The following WDSUB1 variants were observed in gnomAD, a reference collection of about 807,000 sequenced individuals.
WDSUB1 encodes WD repeat, sterile alpha motif and U-box domain containing 1, also known as WD repeat, SAM and U-box domain-containing protein 1.
WDSUB1 carries 49 observed loss-of-function variants against 53.9 expected under a neutral mutation model. The ratio of observed to expected loss-of-function variants is 0.91; its 90% CI spans 0.72 to 1.15. The LOEUF (loss-of-function observed/expected upper bound fraction) is 1.15, where lower values mean the gene tolerates loss of function less well. Ranked by LOEUF, WDSUB1 falls within the 50% of genes most tolerant of loss-of-function variation. The probability of loss-of-function intolerance (pLI) is 0.00; values close to 1 mark genes in which losing one functional copy is unlikely to be tolerated. For missense variants in WDSUB1, 514 were observed against 562.0 expected (o/e 0.91, Z 0.86); for synonymous variants, 194 against 200.6 (o/e 0.97, Z 0.28).
chr2:159,245,726 A>G (rs2060779688), intron 10 of WDSUB1, among the ~76,000 whole-genome samples: 1 of 152,202 alleles, frequency 6.6e-6, no homozygotes, highest in Non-Finnish European at 1.5e-5. Context: ...CATTTAGGAA[A>G]GCCATAAACA....
intron 9 of WDSUB1, among the ~76,000 whole-genome samples, chr2:159,254,127 A>C (rs950338510): frequency 6.6e-6 from 1 of 152,232 alleles, no homozygotes; most frequent in Non-Finnish European, 1.5e-5. Context: ...ACTGTATTTC[A>C]ATTTTGGCTT....
rs3213715 is a variant in WDSUB1 at position 159,257,926 on chromosome 2, G to A, written c.845+19C>T. 827,960 of 1,610,126 alleles carry A rather than the reference G, an allele frequency of 0.51. 219,824 individuals are homozygous for A. The highest frequency in any genetic ancestry group is 0.56 in the Non-Finnish European group (653,284 of 1,176,986). Reference sequence around the variant, plus strand: ...TAATTTTTAAATTATATTAATACAAGGTGAGGTTAAGTTCAGACCTGGTGT... The same window carrying A: ...TAATTTTTAAATTATATTAATACAAAGTGAGGTTAAGTTCAGACCTGGTGT... On this transcript the variant is annotated intron_variant, in intron 7 of 10. Coordinates refer to ENST00000359774, the MANE Select transcript of WDSUB1 (RefSeq NM_001128212.3).
chr2:159,286,455 T>A (rs901542733), intron 1 of WDSUB1, 128 bp downstream of exon 1: 3 of 152,394 alleles, frequency 2.0e-5, no homozygotes, highest in Admixed American at 6.5e-5. Context: ...AAGGTCCCGG[T>A]TGGGCCCTGC....
chr2:159,262,129 T>C (rs1312753348), intron 5 of WDSUB1, among the ~76,000 whole-genome samples: 2 of 151,378 alleles, frequency 1.3e-5, no homozygotes, highest in Non-Finnish European at 2.9e-5. Flanking sequence ...AAAATCCTCA[T>C]TGGTACCACA....
At chr2:159,284,149 G>A (rs190176885) in intron 1 of WDSUB1, among the ~76,000 whole-genome samples, 28 of 152,094 alleles carry the variant, frequency 1.8e-4, no homozygotes, top group African/African-American at 6.0e-4. Context: ...TGTTACCTGG[G>A]ATAAGAACAA....
chr2:159,259,344 C>T (rs530863966), intron 6 of WDSUB1, among the ~76,000 whole-genome samples: 31 of 152,188 alleles, frequency 2.0e-4, no homozygotes, highest in African/African-American at 6.5e-4. Flanking sequence ...TCTTTACCCA[C>T]ACATGGATCA....
At chr2:159,247,888 T>TATATATATATATATATAA (rs1559531646) in intron 10 of WDSUB1, among the ~76,000 whole-genome samples, 19 of 39,028 alleles carry the variant, frequency 4.9e-4, no homozygotes, top group Admixed American at 1.5e-3. Flanking sequence ...ATTAAATAAA[T>TATATATATATATATATAA]ATATATATAT....
chr2:159,253,892 T>C (rs905925456), intron 9 of WDSUB1, among the ~76,000 whole-genome samples: 3 of 152,214 alleles, frequency 2.0e-5, no homozygotes, highest in Non-Finnish European at 2.9e-5. Context: ...ACTTGATCCT[T>C]TATAATGAAG....
rs369516673 is a variant in WDSUB1, at chr2:159,254,607, T to G, written c.1132+1589A>C. 5.2e-4 allele frequency among the ~76,000 whole-genome samples: 79 copies of G among 152,108 alleles called. 1 individual carries two copies. The highest frequency in any genetic ancestry group is 1.7e-3 in the African/African-American group (71 of 41,484). Reference sequence around the variant, plus strand: ...TATTTACCTAGTTATAAAAATAGAATTGTATTTCTATTGTTTCTATATGCT... The same window carrying G: ...TATTTACCTAGTTATAAAAATAGAAGTGTATTTCTATTGTTTCTATATGCT... On this transcript the variant is annotated intron_variant, in intron 9 of 10. Transcript: ENST00000359774.
intron 5 of WDSUB1, among the ~76,000 whole-genome samples, chr2:159,269,901 A>T (rs2061415395): frequency 6.6e-6 from 1 of 152,220 alleles, no homozygotes; most frequent in Non-Finnish European, 1.5e-5. Flanking sequence ...ACCTACAATG[A>T]TCATATTGAA....
intron 1 of WDSUB1, among the ~76,000 whole-genome samples, chr2:159,285,725 G>A (rs946584948): frequency 6.6e-6 from 1 of 152,056 alleles, no homozygotes; most frequent in African/African-American, 2.4e-5. Flanking sequence ...CAAATATTAA[G>A]GCATAAGGAG....
At chr2:159,276,120 G>A (rs1056031649) in intron 3 of WDSUB1, among the ~76,000 whole-genome samples, 3 of 150,852 alleles carry the variant, frequency 2.0e-5, no homozygotes, top group African/African-American at 2.5e-5. Context: ...GTGCAGTGGT[G>A]CGATCTTGGC....
intron 3 of WDSUB1, among the ~76,000 whole-genome samples, chr2:159,276,415 G>C (rs1432048736): frequency 7.9e-5 from 12 of 152,018 alleles, no homozygotes. Flanking sequence ...AATAATAATG[G>C]GAATTTTTTT....
chr2:159,257,849 A>G lies in WDSUB1; in HGVS notation c.861T>C (p.Cys287=). 1 of 1,614,140 alleles carries G rather than the reference A, an allele frequency of 6.2e-7. No homozygotes were observed. Among genetic ancestry groups the G allele is most frequent in the Non-Finnish European group, 8.5e-7 (1 of 1,179,942 alleles). ...LTQHTRYVTT[C]AFAPNTLLLA... ...GTAAAAGGGTATTAGGTGCAAAAGCACAAGTTGTGACATACCTAGTTAATA... is the reference window on the plus strand; with the variant it reads ...GTAAAAGGGTATTAGGTGCAAAAGCGCAAGTTGTGACATACCTAGTTAATA... The change falls in exon 8 of 11, where the codon TGT becomes TGC. Residue 287 remains cysteine (C), a synonymous_variant. Coordinates refer to ENST00000359774, the MANE Select transcript of WDSUB1 (RefSeq NM_001128212.3).
chr2:159,246,688 A>G (rs1245578172), intron 10 of WDSUB1, among the ~76,000 whole-genome samples: 3 of 152,250 alleles, frequency 2.0e-5, no homozygotes, highest in Admixed American at 6.5e-5. Flanking sequence ...AGATCTGTAC[A>G]TAAATGTTAC....
At position 159,242,224 on chromosome 2, in the gene WDSUB1, T is replaced by C. The variant is rs532935479; in HGVS notation, c.1274-6034A>G. ...CGCCACCACACCCAGCTAATTTTTT[T>C]TTAAATATATTTTTAGTAGAGACGG... On this transcript the variant is annotated intron_variant, in intron 10 of 10. Transcript: ENST00000359774. Among the ~76,000 whole-genome samples, 30 of 146,208 alleles carry C rather than the reference T, an allele frequency of 2.1e-4. 1 individual carries two copies. The highest frequency in any genetic ancestry group is 3.5e-4 in the Non-Finnish European group (24 of 67,734).
intron 9 of WDSUB1, among the ~76,000 whole-genome samples, chr2:159,249,624 G>C (rs148696933): frequency 1.3e-5 from 2 of 152,260 alleles, no homozygotes; most frequent in East Asian, 1.9e-4. Flanking sequence ...GTCCCTCCCT[G>C]TGGGAGGGCA....
At chr2:159,258,830 C>T (rs117577095) in intron 6 of WDSUB1, among the ~76,000 whole-genome samples, 1 of 152,078 alleles carries the variant, frequency 6.6e-6, no homozygotes, top group Non-Finnish European at 1.5e-5. Flanking sequence ...TAAAGATTTA[C>T]CTCACCTAGC....
intron 10 of WDSUB1, among the ~76,000 whole-genome samples, chr2:159,241,639 A>C (rs2060650437): frequency 6.8e-6 from 1 of 147,842 alleles, no homozygotes; most frequent in African/African-American, 2.6e-5. Context: ...CATAACTAAA[A>C]AGGTACAGCA....
Sources: allele counts gnomAD v4.1 joint callset (sites outside exome capture counted in the v4.1 genomes callset), GRCh38; gene constraint gnomAD v4.1.1; transcripts MANE v1.5; gene names NCBI Gene and HGNC (gene_info 2026-07-23, HGNC 2026-07-21).